DEFB123: variants seen among roughly 807,000 people sequenced by gnomAD.
DEFB123 encodes the protein defensin beta 123.
For missense variants in DEFB123, 71 were observed against 75.0 expected (o/e 0.95, Z 0.20); for synonymous variants, 22 against 28.3 (o/e 0.78, Z 0.71).
intron 1 of DEFB123, 46 bp downstream of exon 1, chr20:31,440,802 GC>G (rs757243507): frequency 6.2e-7 from 1 of 1,600,368 alleles, no homozygotes; most frequent in Admixed American, 1.7e-5. Context: ...AGAGACTAAG[GC>G]CTGGTCAGAG....
intron 1 of DEFB123, among the ~76,000 whole-genome samples, chr20:31,449,114 C>T (rs75231340): frequency 0.081 from 12,251 of 151,938 alleles, 599 homozygotes; most frequent in Non-Finnish European, 0.11. Flanking sequence ...TTTATCATAG[C>T]TGTTTTATCA....
chr20:31,442,847 A>G (rs1257583001), intron 1 of DEFB123, among the ~76,000 whole-genome samples: 4 of 151,988 alleles, frequency 2.6e-5, no homozygotes, highest in African/African-American at 7.2e-5. Context: ...ACCTCAAGCA[A>G]TCTGCTTGCC....
chr20:31,448,681 C>T (rs1227819435), intron 1 of DEFB123, among the ~76,000 whole-genome samples: 1 of 151,960 alleles, frequency 6.6e-6, no homozygotes, highest in African/African-American at 2.4e-5. Context: ...AATGTTTCAT[C>T]TCAACTATTC....
chr20:31,449,266 A>G (rs1337577936), intron 1 of DEFB123, among the ~76,000 whole-genome samples: 2 of 150,668 alleles, frequency 1.3e-5, no homozygotes, highest in African/African-American at 4.9e-5. Context: ...GTATTTTGTT[A>G]CACTCCTTTA....
At position 31,450,144 on chromosome 20, in the gene DEFB123, C is replaced by T. The variant is rs778802003; in HGVS notation, c.174C>T (p.Tyr58=). 6 of 1,607,476 alleles carry T rather than the reference C, an allele frequency of 3.7e-6. No individual in the cohort carries two copies. Among genetic ancestry groups the T allele is most frequent in the Non-Finnish European group, 5.1e-6 (6 of 1,177,766 alleles). ...NNKMCCVKPK[Y]QPKERWWPF Reference sequence around the variant, plus strand: ...AAATGTGCTGCGTGAAGCCCAAGTACCAGCCAAAAGAAAGGTGGTGGCCAT... The same window carrying T: ...AAATGTGCTGCGTGAAGCCCAAGTATCAGCCAAAAGAAAGGTGGTGGCCAT... Residue 58 remains tyrosine, a synonymous_variant, in exon 2 of 2, where the codon TAC becomes TAT. Transcript: ENST00000376309.
At chr20:31,449,739 A>T (rs1285673374) in intron 1 of DEFB123, among the ~76,000 whole-genome samples, 1 of 135,420 alleles carries the variant, frequency 7.4e-6, no homozygotes, top group Non-Finnish European at 1.5e-5. Flanking sequence ...ACTGTACTCC[A>T]GCCTAGGTGA....
intron 1 of DEFB123, among the ~76,000 whole-genome samples, chr20:31,449,263 G>T (rs995331522): frequency 2.0e-5 from 3 of 149,014 alleles, no homozygotes; most frequent in African/African-American, 5.0e-5. Context: ...TCTGTATTTT[G>T]TTACACTCCT....
At chr20:31,445,782 C>T (rs1979572566) in intron 1 of DEFB123, among the ~76,000 whole-genome samples, 1 of 152,220 alleles carries the variant, frequency 6.6e-6, no homozygotes, top group South Asian at 2.1e-4. Flanking sequence ...CTCAGGTGAT[C>T]CACCCACCTC....
intron 1 of DEFB123, among the ~76,000 whole-genome samples, chr20:31,446,871 C>T (rs150701672): frequency 4.1e-4 from 61 of 150,410 alleles, no homozygotes; most frequent in African/African-American, 1.4e-3. Context: ...AGAAATGTCT[C>T]GGGAGGCAGA....
chr20:31,449,174 T>G (rs1471906285), intron 1 of DEFB123, among the ~76,000 whole-genome samples: 1 of 152,154 alleles, frequency 6.6e-6, no homozygotes, highest in East Asian at 1.9e-4. Flanking sequence ...TTGGTTGATT[T>G]GTTTTTCTCC....
chr20:31,442,596 C>CTTT (rs397865886), intron 1 of DEFB123, among the ~76,000 whole-genome samples: 24 of 105,826 alleles, frequency 2.3e-4, no homozygotes, highest in African/African-American at 4.2e-4. Flanking sequence ...AGGTCATTTG[C>CTTT]TTTTTTTTTT....
intron 1 of DEFB123, among the ~76,000 whole-genome samples, chr20:31,445,382 G>A (rs1020264588): frequency 5.9e-5 from 9 of 152,288 alleles, no homozygotes; most frequent in African/African-American, 2.2e-4. Flanking sequence ...AGCTGGAACA[G>A]TCATATGAAA....
Position 31,450,125 on chromosome 20 carries a change from G to T in DEFB123, c.155G>T (p.Cys52Phe). ...GTTTACTGCATAAATAATAAAATGT[G>T]CTGCGTGAAGCCCAAGTACCAGCCA... ...VYVYCINNKMCCVKPKYQPKE... is the reference protein window; with the variant it reads ...VYVYCINNKMFCVKPKYQPKE... Residue 52 changes from cysteine (C) to phenylalanine (F), a missense_variant, in exon 2 of 2, where the codon TGC (cysteine) becomes TTC (phenylalanine). By Grantham distance (205) the Cys-to-Phe change is radical. Transcript: ENST00000376309. 4 of 1,612,348 alleles carry T rather than the reference G, an allele frequency of 2.5e-6. No homozygotes were observed. The highest frequency in any genetic ancestry group is 1.7e-6 in the Non-Finnish European group (2 of 1,179,298).
intron 1 of DEFB123, among the ~76,000 whole-genome samples, chr20:31,447,932 G>T (rs562705179): frequency 6.6e-6 from 1 of 151,774 alleles, no homozygotes; most frequent in African/African-American, 2.4e-5. Context: ...GATTACAGGC[G>T]CCTGCCACCA....
intron 1 of DEFB123, among the ~76,000 whole-genome samples, chr20:31,445,502 G>C (rs1979565058): frequency 6.6e-6 from 1 of 151,302 alleles, no homozygotes; most frequent in African/African-American, 2.4e-5. Context: ...GGAAGATAAT[G>C]ATCTATTGTC....
rs555656139 is a variant in DEFB123 at position 31,449,478 on chromosome 20, A to G, written c.59-551A>G. Among the ~76,000 whole-genome samples the G allele has an allele frequency of 9.2e-5, 14 of 152,220 alleles. No homozygotes were observed. In the East Asian group the frequency reaches 2.1e-3, roughly 23 times the overall value. Reference sequence around the variant, plus strand: ...GGGTCTTTCCACTCAGGCAGGTGGAAACACAAGCTATTCCCAGACCTGTGC... The same window carrying G: ...GGGTCTTTCCACTCAGGCAGGTGGAGACACAAGCTATTCCCAGACCTGTGC... On this transcript the variant is annotated intron_variant, in intron 1 of 1. Coordinates refer to ENST00000376309, the MANE Select transcript of DEFB123 (RefSeq NM_153324.4).
At chr20:31,442,596 CTTTTTTTTT>C (rs397865886) in intron 1 of DEFB123, among the ~76,000 whole-genome samples, 1 of 105,868 alleles carries the variant, frequency 9.4e-6, no homozygotes, top group Admixed American at 1.0e-4. Flanking sequence ...AGGTCATTTG[CTTTTTTTTT>C]TTTTTTTTTT....
intron 1 of DEFB123, among the ~76,000 whole-genome samples, chr20:31,447,669 T>C (rs1256206834): frequency 1.3e-5 from 2 of 151,396 alleles, no homozygotes; most frequent in Non-Finnish European, 2.9e-5. Flanking sequence ...TAGGGTAGAG[T>C]GCAGTGGCGT....
In DEFB123 at chr20:31,450,238, C is replaced by A; in HGVS notation, c.*64C>A. 1.3e-6 allele frequency: 2 copies of A among 1,525,202 alleles called. No individual in the cohort carries two copies. The highest frequency in any genetic ancestry group is 1.3e-5 in the South Asian group (1 of 74,780). 94.5% of individuals were successfully genotyped at this position (1,525,202 alleles called of 1,614,324 possible). On this transcript the variant is annotated 3_prime_UTR_variant, in exon 2 of 2. Transcript: ENST00000376309. ...CTCCCAGTGGATTCCCACACTCTAT[C>A]AATAAACACCTCTGGCTGATCCCTG...
Sources: gnomAD v4.1 joint callset for allele counts (sites outside exome capture counted in the v4.1 genomes callset) on GRCh38, gnomAD v4.1.1 for gene constraint, MANE v1.5 for transcripts, NCBI Gene and HGNC (gene_info 2026-07-23, HGNC 2026-07-21) for gene names.